BCL11A: variants seen among roughly 807,000 people sequenced by gnomAD.
BCL11A encodes BCL11 transcription factor A, also known as B cell CLL/lymphoma 11A.
Under a neutral mutation model 55.9 loss-of-function variants are expected in BCL11A, and 2 were observed. That is an observed-to-expected ratio of 0.04 (90% CI 0.01 to 0.11). The LOEUF (loss-of-function observed/expected upper bound fraction) is 0.11. BCL11A is among the 10% of genes least tolerant of loss of function. BCL11A has a pLI of 1.00. For missense variants in BCL11A, 817 were observed against 1,137.1 expected (o/e 0.72, Z 4.05); for synonymous variants, 465 against 473.4 (o/e 0.98, Z 0.23).
At chr2:60,486,625 A>G (rs933769890) in intron 2 of BCL11A, among the ~76,000 whole-genome samples, 2 of 152,226 alleles carry the variant, frequency 1.3e-5, no homozygotes, top group Admixed American at 1.3e-4. Context: ...CACAGAAATG[A>G]GCAGCATGAT....
intron 2 of BCL11A, among the ~76,000 whole-genome samples, chr2:60,498,238 G>A (rs938002310): frequency 1.3e-5 from 2 of 151,930 alleles, no homozygotes; most frequent in Non-Finnish European, 2.9e-5. Context: ...AGTGGTGCGT[G>A]GAGATAATGC....
At chr2:60,488,008 T>G (rs1166701817) in intron 2 of BCL11A, among the ~76,000 whole-genome samples, 1 of 152,246 alleles carries the variant, frequency 6.6e-6, no homozygotes, top group Non-Finnish European at 1.5e-5. Context: ...AAGCAATATA[T>G]GAACAATTAG....
chr2:60,530,226 C>A (rs1669385434), intron 2 of BCL11A, among the ~76,000 whole-genome samples: 1 of 152,096 alleles, frequency 6.6e-6, no homozygotes, highest in Non-Finnish European at 1.5e-5. Flanking sequence ...TTTTCCCCAC[C>A]CCTGGCCTTT....
chr2:60,459,227 C>G lies in BCL11A; in HGVS notation c.*1177G>C. 9.8e-7 allele frequency: 1 copy of G among 1,020,354 alleles called. No individual in the cohort carries two copies. Among genetic ancestry groups the G allele is most frequent in the South Asian group, 4.6e-5 (1 of 21,576 alleles). The allele number at this position is 1,020,354 out of a possible 1,614,324, so 63.2% of individuals were successfully genotyped here. A position where few individuals can be genotyped will look rare whatever the true frequency, so the allele number is the denominator to read the frequency against. ...GTCTTAAAGTTTATCATTTGATTGT[C>G]CACTTGACAACCAAGTAGATCTGGA... On this transcript the variant is annotated 3_prime_UTR_variant, in exon 4 of 4. Coordinates refer to ENST00000642384, the MANE Select transcript of BCL11A (RefSeq NM_022893.4).
chr2:60,464,522 TA>T (rs1676493220), intron 3 of BCL11A, among the ~76,000 whole-genome samples: 1 of 152,166 alleles, frequency 6.6e-6, no homozygotes, highest in African/African-American at 2.4e-5. Context: ...GTTGGGCAAG[TA>T]AAAAGATTTG....
chr2:60,475,253 G>C (rs765221909), intron 2 of BCL11A, among the ~76,000 whole-genome samples: 1 of 152,198 alleles, frequency 6.6e-6, no homozygotes, highest in Admixed American at 6.5e-5. Flanking sequence ...GCTTTCACAA[G>C]TGCGTATTTT....
chr2:60,452,934 C>A, downstream of BCL11A: 1 of 376,556 alleles, frequency 2.7e-6, no homozygotes, highest in Non-Finnish European at 4.9e-6. Flanking sequence ...GTATGATAGT[C>A]CTAATAAACT....
At chr2:60,484,423 T>C (rs1178003064) in intron 2 of BCL11A, 1 of 152,212 alleles carries the variant, frequency 6.6e-6, no homozygotes, top group Non-Finnish European at 1.5e-5. Flanking sequence ...ATCTTCTCTC[T>C]CTTTAGTCCT....
At position 60,532,113 on chromosome 2, in the gene BCL11A, C is replaced by G. The variant is rs141385226; in HGVS notation, c.385+13858G>C. 1.1e-3 allele frequency among the ~76,000 whole-genome samples: 162 copies of G among 152,242 alleles called. 1 individual carries two copies. The East Asian group carries it at 0.028, about 27-fold the overall frequency. ...AAATCCAACACACCCACCGCACAATCGAATCTAATTAAGATCAGGAAGAAA... is the reference window on the plus strand; with the variant it reads ...AAATCCAACACACCCACCGCACAATGGAATCTAATTAAGATCAGGAAGAAA... On this transcript the variant is annotated intron_variant, in intron 2 of 3. Coordinates refer to ENST00000642384, the MANE Select transcript of BCL11A (RefSeq NM_022893.4).
chr2:60,458,603 T>G lies in BCL11A; in HGVS notation c.*1801A>C, dbSNP rs1676059030. On this transcript the variant is annotated 3_prime_UTR_variant, in exon 4 of 4. Coordinates refer to ENST00000642384, the MANE Select transcript of BCL11A (RefSeq NM_022893.4). ...TAGTCAAGTAAATGGCTGGCAAAGT[T>G]TTTTTTTTTTTAGTTTTTAAAAAAT... 1 of 951,080 alleles carries G rather than the reference T, an allele frequency of 1.1e-6. No individual in the cohort carries two copies. Among genetic ancestry groups the G allele is most frequent in the Admixed American group, 5.9e-5 (1 of 17,022 alleles). The allele number at this position is 951,080 out of a possible 1,614,324, so 58.9% of individuals were successfully genotyped here. A position where few individuals can be genotyped will look rare whatever the true frequency, so the allele number is the denominator to read the frequency against.
chr2:60,514,495 TAAAAAAA>T (rs58972358), intron 2 of BCL11A, among the ~76,000 whole-genome samples: 6 of 119,346 alleles, frequency 5.0e-5, no homozygotes, highest in African/African-American at 1.3e-4. Flanking sequence ...CATCTCTACT[TAAAAAAA>T]AAAAAAAAAA....
chr2:60,493,838 CCT>C (rs1478326950), intron 2 of BCL11A, among the ~76,000 whole-genome samples: 7 of 152,142 alleles, frequency 4.6e-5, no homozygotes, highest in African/African-American at 1.7e-4. Flanking sequence ...TAAGATTCCC[CCT>C]GCCTCCCCCT....
chr2:60,527,337 C>T (rs1032746664), intron 2 of BCL11A: 3 of 152,100 alleles, frequency 2.0e-5, no homozygotes, highest in African/African-American at 7.2e-5. Flanking sequence ...TCTAGGAGAC[C>T]CAGCAAATAA....
intron 2 of BCL11A, among the ~76,000 whole-genome samples, chr2:60,477,670 C>T (rs1677694915): frequency 2.0e-5 from 3 of 152,142 alleles, no homozygotes; most frequent in South Asian, 4.1e-4. Flanking sequence ...ATGTTTTGTT[C>T]GTGGGCACTG....
chr2:60,534,446 A>C (rs1424109619), intron 2 of BCL11A: 1 of 152,256 alleles, frequency 6.6e-6, no homozygotes. Context: ...GTCTTAATAC[A>C]CTATAATAGC....
chr2:60,520,071 T>C (rs1457358470), intron 2 of BCL11A, among the ~76,000 whole-genome samples: 1 of 152,226 alleles, frequency 6.6e-6, no homozygotes, highest in Non-Finnish European at 1.5e-5. Context: ...CAAATGTGTG[T>C]ATGATATAGT....
At chr2:60,545,282 A>G (rs2104743643) in intron 2 of BCL11A, 1 of 152,468 alleles carries the variant, frequency 6.6e-6, no homozygotes, top group African/African-American at 2.4e-5. Flanking sequence ...CTTTTCGAGT[A>G]AGCATGTCTG....
intron 2 of BCL11A, among the ~76,000 whole-genome samples, chr2:60,509,760 G>A (rs944942557): frequency 1.3e-5 from 2 of 152,042 alleles, no homozygotes; most frequent in Middle Eastern, 3.4e-3. Flanking sequence ...GGGGCTCTCC[G>A]AACAGCCACA....
At chr2:60,536,967 G>A (rs1192716352) in intron 2 of BCL11A, 1 of 152,220 alleles carries the variant, frequency 6.6e-6, no homozygotes, top group Non-Finnish European at 1.5e-5. Context: ...AAACAAGTAC[G>A]TGTCTGTGCT....
Sources: allele counts gnomAD v4.1 joint callset (sites outside exome capture counted in the v4.1 genomes callset), GRCh38; gene constraint gnomAD v4.1.1; transcripts MANE v1.5; gene names NCBI Gene and HGNC (gene_info 2026-07-23, HGNC 2026-07-21).